Variants in AGBL4 observed in about 807,000 individuals in gnomAD.
The protein encoded by AGBL4 is AGBL carboxypeptidase 4.
In AGBL4, 58 loss-of-function variants were observed where a neutral mutation model predicts 66.4. The ratio of observed to expected loss-of-function variants is 0.87; its 90% CI spans 0.71 to 1.09. The LOEUF is 1.09. AGBL4 is among the 50% of genes least tolerant of loss of function. AGBL4 has a pLI of 0.00. For missense variants in AGBL4, 579 were observed against 631.0 expected, an observed-to-expected ratio of 0.92 and a Z score of 0.88; for synonymous variants, 234 against 222.9, an observed-to-expected ratio of 1.05 and a Z score of -0.44.
At chr1:48,625,349 C>T (rs1213538613) in intron 9 of AGBL4, among the ~76,000 whole-genome samples, 1 of 151,914 alleles carries the variant, frequency 6.6e-6, no homozygotes, top group Non-Finnish European at 1.5e-5. Flanking sequence ...TTCTTCTTTC[C>T]TGCCTGCCTT....
chr1:49,718,673 A>G (rs1308067402), intron 2 of AGBL4, among the ~76,000 whole-genome samples: 2 of 152,048 alleles, frequency 1.3e-5, no homozygotes, highest in Non-Finnish European at 2.9e-5. Context: ...TGTCATTTAA[A>G]TGTTGGCTTA....
intron 5 of AGBL4, among the ~76,000 whole-genome samples, chr1:49,020,986 T>G (rs550325515): frequency 2.0e-5 from 3 of 152,120 alleles, no homozygotes; most frequent in Non-Finnish European, 4.4e-5. Flanking sequence ...CTGATGCAAG[T>G]CTGAGAGAAG....
rs534214015 is a variant in AGBL4 at position 48,983,458 on chromosome 1, C to T, written c.594+62126G>A. On this transcript the variant is annotated intron_variant, in intron 5 of 13. Transcript: ENST00000371839. ...TAAGTGCTCACTGACAAATAGGCATCCCACAAGGGACATCTGGACCTTGCT... is the reference window on the plus strand; with the variant it reads ...TAAGTGCTCACTGACAAATAGGCATTCCACAAGGGACATCTGGACCTTGCT... Among the ~76,000 whole-genome samples, 48 of 152,216 alleles carry T rather than the reference C, an allele frequency of 3.2e-4. 2 individuals are homozygous for T. The highest frequency in any genetic ancestry group is 1.5e-3 in the Admixed American group (23 of 15,288).
At chr1:49,729,302 A>G (rs1649255577) in intron 2 of AGBL4, among the ~76,000 whole-genome samples, 1 of 152,224 alleles carries the variant, frequency 6.6e-6, no homozygotes, top group South Asian at 2.1e-4. Flanking sequence ...CTGCATTTCA[A>G]TCTATACAAA....
intron 3 of AGBL4, among the ~76,000 whole-genome samples, chr1:49,508,309 G>A (rs1311271647): frequency 6.6e-6 from 1 of 151,906 alleles, no homozygotes; most frequent in Non-Finnish European, 1.5e-5. Context: ...CCAGATAAAT[G>A]AGAAGTGCCA....
intron 4 of AGBL4, among the ~76,000 whole-genome samples, chr1:49,098,162 A>C (rs1645140496): frequency 6.6e-6 from 1 of 152,234 alleles, no homozygotes; most frequent in South Asian, 2.1e-4. Context: ...GATCATCTGT[A>C]AAATGAAAAG....
intron 5 of AGBL4, among the ~76,000 whole-genome samples, chr1:48,897,224 C>T (rs3121526): frequency 1 from 151,765 of 152,262 alleles, 75,637 homozygotes; most frequent in Middle Eastern, 1. Flanking sequence ...CATGTATGAC[C>T]GACAACATGC....
At chr1:48,940,959 T>C (rs989052031) in intron 5 of AGBL4, among the ~76,000 whole-genome samples, 3 of 151,534 alleles carry the variant, frequency 2.0e-5, no homozygotes, top group Admixed American at 6.6e-5. Flanking sequence ...CACAGACATA[T>C]TAGATAAATT....
intron 5 of AGBL4, among the ~76,000 whole-genome samples, chr1:48,969,111 T>A (rs961053331): frequency 6.8e-5 from 5 of 73,242 alleles, no homozygotes; most frequent in Admixed American, 2.1e-4. Context: ...CCTCCCTCCC[T>A]CTTTTCTTCC....
At chr1:48,771,232 C>T (rs1376616025) in intron 6 of AGBL4, among the ~76,000 whole-genome samples, 1 of 152,172 alleles carries the variant, frequency 6.6e-6, no homozygotes, top group Non-Finnish European at 1.5e-5. Context: ...AAAGAGTACA[C>T]ACAACTTCTG....
In AGBL4 at chr1:49,282,158, G is replaced by T. The variant is rs112968756; in HGVS notation, c.283-36294C>A. On this transcript the variant is annotated intron_variant, in intron 3 of 13. Coordinates refer to ENST00000371839, the MANE Select transcript of AGBL4 (RefSeq NM_032785.4). ...CTTGGTGTGTGTGAGAAAATCCCCA[G>T]ACATATGTTGGTTACCAGAGGCGTT... Among the ~76,000 whole-genome samples, 318 of 152,304 alleles carry T rather than the reference G, an allele frequency of 2.1e-3. 5 individuals carry two copies. The highest frequency in any genetic ancestry group is 0.019 in the Admixed American group (290 of 15,296).
chr1:49,485,423 C>G lies in AGBL4; in HGVS notation c.282+211890G>C, dbSNP rs1391603095. On this transcript the variant is annotated intron_variant, in intron 3 of 13. Coordinates refer to ENST00000371839, the MANE Select transcript of AGBL4 (RefSeq NM_032785.4). Reference sequence around the variant, plus strand: ...ATTGAACAATGAGAACACATGGACACTGGAAGGGGAACATCACACACCGGG... The same window carrying G: ...ATTGAACAATGAGAACACATGGACAGTGGAAGGGGAACATCACACACCGGG... Among the ~76,000 whole-genome samples, 4 of 123,966 alleles carry G rather than the reference C, an allele frequency of 3.2e-5. No homozygotes were observed. The East Asian group carries it at 7.1e-4, about 22-fold the overall frequency. The allele number at this position is 123,966 out of a possible 152,430, so 81.3% of individuals were successfully genotyped here.
intron 5 of AGBL4, among the ~76,000 whole-genome samples, chr1:48,876,727 T>C (rs1260088512): frequency 3.3e-5 from 5 of 152,196 alleles, no homozygotes; most frequent in African/African-American, 9.7e-5. Flanking sequence ...TTTTCATATA[T>C]TGATAGTTTT....
At position 48,538,922 on chromosome 1, in the gene AGBL4, AGAG is replaced by A. The variant is rs371476354; in HGVS notation, c.1364+717_1364+719del. On this transcript the variant is annotated intron_variant, in intron 12 of 13. Transcript: ENST00000371839. ...ACTGAAGGAGTGGGAGATGAGTCTA[AGAG>A]GTAGGGCAGGGCCAGCACATTCCAG... is the stretch of plus-strand genomic sequence containing the variant. 2.2e-4 allele frequency among the ~76,000 whole-genome samples: 34 copies of A among 152,310 alleles called. No individual in the cohort carries two copies. The South Asian group carries it at 5.6e-3, about 25-fold the overall frequency.
At chr1:48,693,223 A>C (rs1646661216) in intron 6 of AGBL4, among the ~76,000 whole-genome samples, 1 of 152,102 alleles carries the variant, frequency 6.6e-6, no homozygotes, top group Non-Finnish European at 1.5e-5. Flanking sequence ...CTGGGTGTAG[A>C]TTGAGTGCCC....
intron 11 of AGBL4, among the ~76,000 whole-genome samples, chr1:48,579,533 G>A (rs986493595): frequency 4.0e-5 from 6 of 151,284 alleles, no homozygotes; most frequent in Admixed American, 1.3e-4. Context: ...GAGCCACTGC[G>A]CCCAGCCCCA....
intron 2 of AGBL4, among the ~76,000 whole-genome samples, chr1:49,728,254 A>G (rs2124704844): frequency 6.6e-6 from 1 of 152,322 alleles, no homozygotes; most frequent in East Asian, 1.9e-4. Context: ...GCATAACTAC[A>G]ATTACATTTT....
chr1:49,895,874 C>G (rs1649149515), intron 1 of AGBL4, among the ~76,000 whole-genome samples: 1 of 147,658 alleles, frequency 6.8e-6, no homozygotes, highest in Non-Finnish European at 1.5e-5. Context: ...CCTTATTTAT[C>G]AATAATAACA....
intron 3 of AGBL4, among the ~76,000 whole-genome samples, chr1:49,646,799 C>G (rs1453405959): frequency 6.6e-6 from 1 of 151,884 alleles, no homozygotes; most frequent in Admixed American, 6.6e-5. Flanking sequence ...ATATTCAAAG[C>G]AGTGTGGTAT....
Sources: gnomAD v4.1 joint callset for allele counts (sites outside exome capture counted in the v4.1 genomes callset) on GRCh38, gnomAD v4.1.1 for gene constraint, MANE v1.5 for transcripts, NCBI Gene and HGNC (gene_info 2026-07-23, HGNC 2026-07-21) for gene names.